The following RBFOX3 variants were observed in gnomAD, a reference collection of about 807,000 sequenced individuals.
The protein encoded by RBFOX3 is RNA binding protein fox-1 homolog 3.
A neutral mutation model predicts 48.7 loss-of-function variants in RBFOX3; 17 were observed. The ratio of observed to expected loss-of-function variants is 0.35; its 90% CI spans 0.24 to 0.52. The LOEUF is 0.52. Ranked by LOEUF, RBFOX3 falls within the 20% of genes least tolerant of loss-of-function variation. The probability of loss-of-function intolerance (pLI) is 0.94; values close to 1 mark genes in which losing one functional copy is unlikely to be tolerated. For synonymous variants in RBFOX3, 212 were observed against 209.5 expected (o/e 1.01, Z -0.10); for missense variants, 382 against 497.5 (o/e 0.77, Z 2.21).
intron 4 of RBFOX3, among the ~76,000 whole-genome samples, chr17:79,140,496 C>T (rs1323761654): frequency 6.6e-6 from 1 of 152,222 alleles, no homozygotes. Flanking sequence ...CAGGCTGGCA[C>T]CGGCACCCAC....
chr17:79,662,153 TCTCA>T, the RBFOX3 span, among the ~76,000 whole-genome samples: 19 of 148,754 alleles, frequency 1.3e-4, no homozygotes, highest in Non-Finnish European at 2.2e-4. Flanking sequence ...TGAGTCGGAG[TCTCA>T]CTCACTCCAG....
At chr17:79,531,335 T>G (rs1257265350) in intron 1 of RBFOX3, among the ~76,000 whole-genome samples, 1 of 152,194 alleles carries the variant, frequency 6.6e-6, no homozygotes, top group Non-Finnish European at 1.5e-5. Flanking sequence ...ATGAGGAGGC[T>G]GCCTGCGTGT....
chr17:79,136,919 C>T (rs760806265), intron 4 of RBFOX3, among the ~76,000 whole-genome samples: 4 of 152,148 alleles, frequency 2.6e-5, no homozygotes, highest in Non-Finnish European at 5.9e-5. Flanking sequence ...GATTCACACT[C>T]GCTCTAAGAA....
chr17:79,287,331 G>A (rs2072176273), intron 3 of RBFOX3, among the ~76,000 whole-genome samples: 1 of 152,164 alleles, frequency 6.6e-6, no homozygotes, highest in African/African-American at 2.4e-5. Context: ...ACCCACAGGG[G>A]GCCCTGGGTG....
chr17:79,501,552 GC>G (rs1368950523), intron 1 of RBFOX3, among the ~76,000 whole-genome samples: 2 of 152,240 alleles, frequency 1.3e-5, no homozygotes, highest in Non-Finnish European at 2.9e-5. Flanking sequence ...ACCTGCAAGA[GC>G]CGAGGGGCTA....
chr17:79,647,828 C>T, the RBFOX3 span, among the ~76,000 whole-genome samples: 17 of 152,338 alleles, frequency 1.1e-4, no homozygotes, highest in African/African-American at 3.8e-4. Context: ...CCAACTCACA[C>T]CTGTCTCCCA....
rs183439163 is a variant in RBFOX3 at position 79,176,895 on chromosome 17, G to A, written c.-34+58871C>T. Among the ~76,000 whole-genome samples the A allele has an allele frequency of 1.0e-3, 159 of 152,348 alleles. 1 individual carries two copies. The highest frequency in any genetic ancestry group is 0.01 in the South Asian group (49 of 4,828). On this transcript the variant is annotated intron_variant, in intron 4 of 14. Coordinates refer to ENST00000693108, the MANE Select transcript of RBFOX3 (RefSeq NM_001350451.2). ...AGGCAGAAGAAAAAGGGTTAAGGCC[G>A]GTTAGGAAGCTCCGAGACAGGTGCT...
At chr17:79,465,779 G>T (rs986104475) in intron 2 of RBFOX3, among the ~76,000 whole-genome samples, 1 of 152,218 alleles carries the variant, frequency 6.6e-6, no homozygotes, top group East Asian at 1.9e-4. Flanking sequence ...TTCAGCCCCC[G>T]GTGGCCTCTC....
chr17:79,576,063 CA>C (rs2092847141), intron 1 of RBFOX3, among the ~76,000 whole-genome samples: 1 of 152,196 alleles, frequency 6.6e-6, no homozygotes, highest in East Asian at 1.9e-4. Context: ...TGAACATCTA[CA>C]ATCAGCTGCC....
At chr17:79,248,294 C>T (rs1048429656) in intron 3 of RBFOX3, among the ~76,000 whole-genome samples, 7 of 151,690 alleles carry the variant, frequency 4.6e-5, no homozygotes, top group Non-Finnish European at 8.8e-5. Context: ...AGTGCAGTGG[C>T]GCAATCTTGG....
chr17:79,656,683 G>GGGAAGGAA, the RBFOX3 span, among the ~76,000 whole-genome samples: 10 of 39,608 alleles, frequency 2.5e-4, no homozygotes, highest in African/African-American at 5.4e-4. Context: ...GAAGGAAGGA[G>GGGAAGGAA]GGAAGGAAGG....
intron 2 of RBFOX3, among the ~76,000 whole-genome samples, chr17:79,358,354 G>A (rs570209106): frequency 8.7e-4 from 132 of 152,274 alleles, no homozygotes; most frequent in African/African-American, 2.7e-3. Flanking sequence ...TGCTCACGCC[G>A]TGGGGAGACC....
At chr17:79,321,401 A>T (rs1015530035) in intron 2 of RBFOX3, among the ~76,000 whole-genome samples, 1 of 152,236 alleles carries the variant, frequency 6.6e-6, no homozygotes, top group African/African-American at 2.4e-5. Flanking sequence ...ACGTTCAGCT[A>T]GACCCCTCCA....
chr17:79,585,763 G>A (rs2093230391), intron 1 of RBFOX3, among the ~76,000 whole-genome samples: 1 of 152,114 alleles, frequency 6.6e-6, no homozygotes, highest in African/African-American at 2.4e-5. Context: ...AGCCCAGGAA[G>A]CAAGAGCATC....
intron 4 of RBFOX3, among the ~76,000 whole-genome samples, chr17:79,188,293 G>A (rs1026215917): frequency 2.6e-5 from 4 of 152,182 alleles, no homozygotes; most frequent in South Asian, 2.1e-4. Flanking sequence ...CCCAGCTGCC[G>A]GGGCCAGCAC....
At chr17:79,396,349 G>T (rs552820418) in intron 2 of RBFOX3, among the ~76,000 whole-genome samples, 26 of 152,284 alleles carry the variant, frequency 1.7e-4, no homozygotes, top group African/African-American at 5.8e-4. Context: ...GACCTCTGCT[G>T]CCCACGAGGA....
intron 1 of RBFOX3, among the ~76,000 whole-genome samples, chr17:79,511,148 C>CA (rs1283773676): frequency 6.6e-6 from 1 of 152,158 alleles, no homozygotes; most frequent in East Asian, 1.9e-4. Context: ...GCAGAGGGCT[C>CA]ACGGGAGCCT....
intron 2 of RBFOX3, among the ~76,000 whole-genome samples, chr17:79,310,536 G>A (rs570990912): frequency 8.0e-5 from 12 of 150,030 alleles, no homozygotes; most frequent in Admixed American, 6.0e-4. Flanking sequence ...CCCCAGCCCC[G>A]TCCTGCTTCT....
At position 79,115,414 on chromosome 17, in the gene RBFOX3, C is replaced by A. The variant is rs1463188480; in HGVS notation, c.222+80G>T. ...CTCGCCCACCTGGTACACCTCATGCCCTTCTGGGCCACCCTTCTTCTGGGT... is the reference window on the plus strand; with the variant it reads ...CTCGCCCACCTGGTACACCTCATGCACTTCTGGGCCACCCTTCTTCTGGGT... On this transcript the variant is annotated intron_variant, in intron 5 of 14. Coordinates refer to ENST00000693108, the MANE Select transcript of RBFOX3 (RefSeq NM_001350451.2). 9 of 930,148 alleles carry A rather than the reference C, an allele frequency of 9.7e-6. No individual in the cohort carries two copies. The East Asian group carries it at 9.9e-5, about 10-fold the overall frequency. 57.6% of individuals were successfully genotyped at this position (930,148 alleles called of 1,614,324 possible). A position where few individuals can be genotyped will look rare whatever the true frequency, so the allele number is the denominator to read the frequency against.
Sources: gnomAD v4.1 joint callset for allele counts (sites outside exome capture counted in the v4.1 genomes callset) on GRCh38, gnomAD v4.1.1 for gene constraint, MANE v1.5 for transcripts, NCBI Gene and HGNC (gene_info 2026-07-23, HGNC 2026-07-21) for gene names.